Variants in MSH3 observed in about 807,000 individuals in gnomAD.
The protein encoded by MSH3 is DNA mismatch repair protein Msh3.
In MSH3, 106 loss-of-function variants were observed where a neutral mutation model predicts 123.3. The ratio of observed to expected loss-of-function variants is 0.86; its 90% confidence interval spans 0.73 to 1.01. The LOEUF is 1.01. Among genes scored for constraint, MSH3 ranks in the 50% least tolerant of loss-of-function variants. MSH3 has a pLI of 0.00. For synonymous variants in MSH3, 515 were observed against 481.4 expected (o/e 1.07, Z -0.91); for missense variants, 1,459 against 1,347.6 (o/e 1.08, Z -1.29).
At chr5:80,831,396 C>CT (rs1580076837) in intron 20 of MSH3, among the ~76,000 whole-genome samples, 2 of 152,196 alleles carry the variant, frequency 1.3e-5, no homozygotes, top group East Asian at 3.9e-4. Flanking sequence ...GCTTTCCAGG[C>CT]TTTTTTAAAG....
intron 20 of MSH3, among the ~76,000 whole-genome samples, chr5:80,814,599 T>G (rs970283815): frequency 7.2e-5 from 11 of 152,244 alleles, no homozygotes; most frequent in African/African-American, 2.2e-4. Context: ...AAATCTTTTG[T>G]AGAAAATCAA....
intron 20 of MSH3, among the ~76,000 whole-genome samples, chr5:80,852,473 A>C (rs764823035): frequency 6.6e-6 from 1 of 152,226 alleles, no homozygotes; most frequent in Admixed American, 6.5e-5. Context: ...ATCCTGCCAC[A>C]ATAAAGGCAA....
chr5:80,754,337 A>G (rs1743886490), intron 12 of MSH3, among the ~76,000 whole-genome samples: 1 of 152,078 alleles, frequency 6.6e-6, no homozygotes, highest in Non-Finnish European at 1.5e-5. Context: ...ATGGAGCCAT[A>G]ATATACCCAG....
At chr5:80,846,949 A>G (rs245361) in intron 20 of MSH3, among the ~76,000 whole-genome samples, 134,098 of 152,062 alleles carry the variant, frequency 0.88, 59,321 homozygotes, top group East Asian at 1. Flanking sequence ...CCAATGAGAT[A>G]AAGCAGGTAC....
chr5:80,699,539 C>T lies in MSH3; in HGVS notation c.1340+20446C>T, dbSNP rs896817314. Among the ~76,000 whole-genome samples the T allele has an allele frequency of 3.8e-5, 4 of 104,176 alleles. No individual in the cohort carries two copies. The South Asian group carries it at 1.3e-3, about 34-fold the overall frequency. 68.3% of individuals were successfully genotyped at this position (104,176 alleles called of 152,430 possible). On this transcript the variant is annotated intron_variant, in intron 8 of 23. Transcript: ENST00000265081. ...CACCACTGCACTCCAGCCTGGGCAA[C>T]AGAGTACAACACTGTCTCCAAAAAA...
intron 10 of MSH3, among the ~76,000 whole-genome samples, chr5:80,740,171 A>G (rs1743585476): frequency 6.6e-6 from 1 of 152,238 alleles, no homozygotes; most frequent in Non-Finnish European, 1.5e-5. Context: ...TTGGAATTGT[A>G]CATACATTTA....
At chr5:80,776,926 A>ATTT (rs1317745365) in intron 16 of MSH3, among the ~76,000 whole-genome samples, 24 of 126,872 alleles carry the variant, frequency 1.9e-4, no homozygotes, top group East Asian at 1.1e-3. Context: ...ATATATATAT[A>ATTT]TATTTTTTTT....
intron 17 of MSH3, among the ~76,000 whole-genome samples, chr5:80,785,858 G>A (rs1347306679): frequency 2.6e-5 from 4 of 152,006 alleles, no homozygotes; most frequent in African/African-American, 9.7e-5. Context: ...GGATGAAATT[G>A]GAAATCATCC....
chr5:80,685,284 G>C (rs544828892), intron 8 of MSH3, among the ~76,000 whole-genome samples: 1 of 147,172 alleles, frequency 6.8e-6, no homozygotes, highest in East Asian at 2.1e-4. Context: ...ATTCAGCAGT[G>C]AAGCTATTGG....
At chr5:80,812,797 G>A (rs1258388880) in intron 19 of MSH3, among the ~76,000 whole-genome samples, 2 of 151,988 alleles carry the variant, frequency 1.3e-5, no homozygotes, top group African/African-American at 2.4e-5. Context: ...GGCCTCAAGC[G>A]ATCCACCTCC....
At chr5:80,662,654 C>A (rs545615615) in intron 2 of MSH3, among the ~76,000 whole-genome samples, 1 of 151,946 alleles carries the variant, frequency 6.6e-6, no homozygotes, top group Non-Finnish European at 1.5e-5. Context: ...TGATGAAACC[C>A]CGTCTCTACT....
intron 12 of MSH3, among the ~76,000 whole-genome samples, chr5:80,750,336 A>G (rs182562965): frequency 5.3e-5 from 8 of 152,268 alleles, no homozygotes; most frequent in African/African-American, 1.9e-4. Flanking sequence ...AAGTGACTGT[A>G]CTGATTTATA....
At chr5:80,800,707 A>G (rs1744776223) in intron 19 of MSH3, among the ~76,000 whole-genome samples, 1 of 152,200 alleles carries the variant, frequency 6.6e-6, no homozygotes, top group South Asian at 2.1e-4. Flanking sequence ...CCTTTTGTGT[A>G]TTACATTCAT....
At chr5:80,753,783 C>CA (rs969625156) in intron 12 of MSH3, among the ~76,000 whole-genome samples, 1 of 152,078 alleles carries the variant, frequency 6.6e-6, no homozygotes, top group Non-Finnish European at 1.5e-5. Flanking sequence ...AGAGGCTCTT[C>CA]AGTTTTAAAC....
intron 19 of MSH3, among the ~76,000 whole-genome samples, chr5:80,794,907 T>C (rs4703818): frequency 0.072 from 10,914 of 152,202 alleles, 781 homozygotes; most frequent in East Asian, 0.32. Flanking sequence ...GGTCCATGGT[T>C]GGATGTGGCA....
At chr5:80,709,209 ATGTGTGTGTG>A (rs139977038) in intron 8 of MSH3, among the ~76,000 whole-genome samples, 9 of 147,116 alleles carry the variant, frequency 6.1e-5, no homozygotes, top group East Asian at 4.0e-4. Context: ...TAAAATAGAT[ATGTGTGTGTG>A]TGTGTGTGTG....
chr5:80,831,500 C>T (rs541165136), intron 20 of MSH3, among the ~76,000 whole-genome samples: 20 of 152,154 alleles, frequency 1.3e-4, no homozygotes, highest in South Asian at 2.1e-4. Flanking sequence ...TACTAATTCA[C>T]GCTTTTTATG....
chr5:80,751,082 A>G (rs1349654323), intron 12 of MSH3, among the ~76,000 whole-genome samples: 2 of 152,180 alleles, frequency 1.3e-5, no homozygotes, highest in African/African-American at 2.4e-5. Flanking sequence ...CAGAAAGTTC[A>G]TGTAAAATGC....
intron 17 of MSH3, among the ~76,000 whole-genome samples, chr5:80,782,366 CTTG>C: frequency 6.6e-6 from 1 of 151,406 alleles, no homozygotes. Context: ...TTTTTTTCCC[CTTG>C]TTATTATTTC....
Sources: gnomAD v4.1 joint callset for allele counts (sites outside exome capture counted in the v4.1 genomes callset) on GRCh38, gnomAD v4.1.1 for gene constraint, MANE v1.5 for transcripts, NCBI Gene and HGNC (gene_info 2026-07-23, HGNC 2026-07-21) for gene names.